The following GRIA4 variants were observed in gnomAD, a reference collection of about 807,000 sequenced individuals.
The protein encoded by GRIA4 is glutamate ionotropic receptor AMPA type subunit 4, also known as glutamate receptor 4.
In GRIA4, 34 loss-of-function variants were observed where a neutral mutation model predicts 104.0. The ratio of observed to expected loss-of-function variants is 0.33; its 90% CI spans 0.25 to 0.44. The LOEUF (loss-of-function observed/expected upper bound fraction) is 0.44, where lower values mean the gene tolerates loss of function less well. Among genes scored for constraint, GRIA4 ranks in the 20% least tolerant of loss-of-function variants. The probability of loss-of-function intolerance (pLI) is 1.00; values close to 1 mark genes in which losing one functional copy is unlikely to be tolerated. For synonymous variants in GRIA4, 386 were observed against 381.9 expected (o/e 1.01, Z -0.13); for missense variants, 750 against 1,096.5 (o/e 0.68, Z 4.46).
rs115789734 is a variant in GRIA4 at position 105,788,984 on chromosome 11, A to T, written c.487+35764A>T. Reference sequence around the variant, plus strand: ...ATGGTGGAATCCTTAAGCCACAGGGAATTAGGACTTAGGACTAAATTGTCT... The same window carrying T: ...ATGGTGGAATCCTTAAGCCACAGGGTATTAGGACTTAGGACTAAATTGTCT... On this transcript the variant is annotated intron_variant, in intron 4 of 16. Transcript: ENST00000282499. Among the ~76,000 whole-genome samples, 1,445 of 152,284 alleles carry T rather than the reference A, an allele frequency of 9.5e-3. 30 individuals are homozygous for T. The highest frequency in any genetic ancestry group is 0.033 in the African/African-American group (1,377 of 41,562).
chr11:105,977,179 T>G (rs1859022284), intron 16 of GRIA4, among the ~76,000 whole-genome samples: 1 of 152,028 alleles, frequency 6.6e-6, no homozygotes, highest in Admixed American at 6.6e-5. Context: ...AAAGCTAAAC[T>G]AGTGGATTTT....
chr11:105,623,561 C>G (rs114770815), intron 3 of GRIA4, among the ~76,000 whole-genome samples: 1,821 of 152,128 alleles, frequency 0.012, 28 homozygotes, highest in African/African-American at 0.04. Flanking sequence ...CTCTGGTCTT[C>G]TTTCGTCTAT....
intron 5 of GRIA4, among the ~76,000 whole-genome samples, chr11:105,869,250 T>C (rs1017292687): frequency 1.3e-5 from 2 of 152,126 alleles, no homozygotes; most frequent in African/African-American, 4.8e-5. Context: ...CTGGGAAGAA[T>C]CATGAATTCT....
intron 3 of GRIA4, among the ~76,000 whole-genome samples, chr11:105,720,507 G>T (rs1034071046): frequency 2.6e-5 from 4 of 152,162 alleles, no homozygotes; most frequent in African/African-American, 9.7e-5. Context: ...TGGTAGAAAT[G>T]AAGAATGTAT....
At chr11:105,899,733 A>C (rs1946789368) in intron 7 of GRIA4, among the ~76,000 whole-genome samples, 3 of 152,204 alleles carry the variant, frequency 2.0e-5, no homozygotes, top group African/African-American at 7.2e-5. Flanking sequence ...TTTGTCAACT[A>C]TTCAGTATAT....
intron 4 of GRIA4, among the ~76,000 whole-genome samples, chr11:105,822,108 A>G (rs1943594930): frequency 6.6e-6 from 1 of 152,154 alleles, no homozygotes; most frequent in South Asian, 2.1e-4. Context: ...TTGTAGACGT[A>G]GGGTTATTTA....
intron 3 of GRIA4, among the ~76,000 whole-genome samples, chr11:105,619,772 G>C (rs977961809): frequency 1.3e-5 from 2 of 151,814 alleles, no homozygotes; most frequent in Non-Finnish European, 2.9e-5. Context: ...TCACAAAAAA[G>C]GCCCAGTACT....
intron 14 of GRIA4, among the ~76,000 whole-genome samples, chr11:105,956,257 G>A (rs1378270019): frequency 2.7e-5 from 4 of 150,250 alleles, no homozygotes; most frequent in Admixed American, 1.3e-4. Flanking sequence ...ATCCCTCCCC[G>A]CTCCCCCCAC....
intron 10 of GRIA4, among the ~76,000 whole-genome samples, chr11:105,917,866 C>T (rs920607735): frequency 1.4e-5 from 2 of 140,876 alleles, no homozygotes; most frequent in Admixed American, 1.5e-4. Flanking sequence ...AACTGAAAAC[C>T]GTCCAGTAAT....
At chr11:105,761,214 A>G (rs1283916388) in intron 4 of GRIA4, among the ~76,000 whole-genome samples, 1 of 152,116 alleles carries the variant, frequency 6.6e-6, no homozygotes, top group Non-Finnish European at 1.5e-5. Context: ...AGATTAGGTA[A>G]TGAACGCCTC....
chr11:105,974,611 G>A, intron 16 of GRIA4, 167 bp downstream of exon 16: 4 of 1,545,144 alleles, frequency 2.6e-6, no homozygotes, highest in South Asian at 1.2e-5. Flanking sequence ...TGAACGCAGT[G>A]TTGTGACCTG....
At chr11:105,729,070 T>G (rs933688542) in intron 3 of GRIA4, among the ~76,000 whole-genome samples, 1 of 152,110 alleles carries the variant, frequency 6.6e-6, no homozygotes, top group African/African-American at 2.4e-5. Flanking sequence ...TGGGAGCTAG[T>G]TTTTTGAAAA....
At chr11:105,895,249 A>ATGTGTTGTG in intron 6 of GRIA4, among the ~76,000 whole-genome samples, 1 of 42,502 alleles carries the variant, frequency 2.4e-5, no homozygotes, top group Admixed American at 3.0e-4. Context: ...CTACGAGCTC[A>ATGTGTTGTG]TGCGTGTGTG....
At chr11:105,753,241 T>C (rs373453133) in intron 4 of GRIA4, 21 bp downstream of exon 4, 3 of 1,609,758 alleles carry the variant, frequency 1.9e-6, no homozygotes, top group Non-Finnish European at 2.6e-6. Context: ...TTTCTTCATC[T>C]ATTAGAGCAA....
chr11:105,717,900 C>T (rs974573789), intron 3 of GRIA4, among the ~76,000 whole-genome samples: 1 of 130,932 alleles, frequency 7.6e-6, no homozygotes, highest in African/African-American at 2.9e-5. Context: ...GAATACTATG[C>T]AGCCATAAAA....
chr11:105,862,152 GAGA>G lies in GRIA4; in HGVS notation c.622_624del (p.Lys208del), dbSNP rs1565296879. The stretch of plus-strand genomic sequence containing the variant: ...TCTAGAAGAACTTGACAGAAGACAA[GAGA>G]AGAAGTTTGTAATAGACTGTGAGAT... On this transcript the variant is annotated inframe_deletion, in exon 5 of 17. Coordinates refer to ENST00000282499, the MANE Select transcript of GRIA4 (RefSeq NM_000829.4). 6.2e-6 allele frequency: 10 copies of G among 1,607,996 alleles called. No individual in the cohort carries two copies. Among genetic ancestry groups the G allele is most frequent in the East Asian group, 2.2e-5 (1 of 44,792 alleles).
chr11:105,683,095 C>T (rs1460429794), intron 3 of GRIA4, among the ~76,000 whole-genome samples: 1 of 152,064 alleles, frequency 6.6e-6, no homozygotes, highest in Non-Finnish European at 1.5e-5. Context: ...ATTTGCTAAA[C>T]TAAGGTTAAA....
intron 10 of GRIA4, chr11:105,912,918 A>G: frequency 1.0e-6 from 1 of 980,058 alleles, no homozygotes; most frequent in South Asian, 4.7e-5. Context: ...TTGGCTAGAC[A>G]TTTTAATATA....
intron 3 of GRIA4, among the ~76,000 whole-genome samples, chr11:105,736,657 TC>T (rs1195715105): frequency 6.6e-6 from 1 of 152,118 alleles, no homozygotes; most frequent in Admixed American, 6.6e-5. Flanking sequence ...TGATTAAACT[TC>T]TTTTTATTGT....
Sources: gnomAD v4.1 joint callset for allele counts (sites outside exome capture counted in the v4.1 genomes callset) on GRCh38, gnomAD v4.1.1 for gene constraint, MANE v1.5 for transcripts, NCBI Gene and HGNC (gene_info 2026-07-23, HGNC 2026-07-21) for gene names.